The following UNC13C variants were observed in gnomAD, a reference collection of about 807,000 sequenced individuals.
UNC13C encodes the protein protein unc-13 homolog C.
Under a neutral mutation model 245.4 loss-of-function variants are expected in UNC13C, and 174 were observed. The ratio of observed to expected loss-of-function variants is 0.71; its 90% CI spans 0.63 to 0.80. The LOEUF (loss-of-function observed/expected upper bound fraction) is 0.80. Ranked by LOEUF, UNC13C falls within the 30% of genes least tolerant of loss-of-function variation. UNC13C has a pLI of 0.00. For synonymous variants in UNC13C, 992 were observed against 895.1 expected (o/e 1.11, Z -1.93); for missense variants, 2,829 against 2,602.9 (o/e 1.09, Z -1.89).
At chr15:54,148,825 G>A (rs7166833) in intron 4 of UNC13C, among the ~76,000 whole-genome samples, 97,065 of 152,080 alleles carry the variant, frequency 0.64, 32,687 homozygotes, top group Non-Finnish European at 0.75. Flanking sequence ...TTTACCCTAC[G>A]GCACCATCCT....
intron 30 of UNC13C, among the ~76,000 whole-genome samples, chr15:54,592,539 A>G (rs980388174): frequency 6.6e-6 from 1 of 152,198 alleles, no homozygotes; most frequent in African/African-American, 2.4e-5. Context: ...GCCTTTTACC[A>G]TTCTATACTG....
At chr15:54,238,368 C>T (rs1391725456) in intron 7 of UNC13C, among the ~76,000 whole-genome samples, 14 of 152,152 alleles carry the variant, frequency 9.2e-5, no homozygotes, top group South Asian at 2.1e-4. Context: ...CCACCACACC[C>T]GGCCCTTTTA....
intron 23 of UNC13C, among the ~76,000 whole-genome samples, chr15:54,510,529 G>T (rs1377798305): frequency 1.3e-5 from 2 of 152,128 alleles, no homozygotes; most frequent in Non-Finnish European, 2.9e-5. Flanking sequence ...AGATATCTGT[G>T]TTAAAAAATA....
intron 23 of UNC13C, among the ~76,000 whole-genome samples, chr15:54,507,894 T>TA (rs1491277869): frequency 6.6e-5 from 10 of 151,396 alleles, no homozygotes; most frequent in African/African-American, 2.2e-4. Flanking sequence ...GGTTTTTTTT[T>TA]AAAAAAAAGA....
intron 30 of UNC13C, among the ~76,000 whole-genome samples, chr15:54,577,652 T>G (rs966753081): frequency 9.2e-5 from 14 of 152,124 alleles, no homozygotes; most frequent in African/African-American, 3.1e-4. Context: ...CCTAGAAAAC[T>G]CTCTCTTTCC....
chr15:54,626,985 A>G lies in UNC13C; in HGVS notation c.6517A>G (p.Lys2173Glu). The change falls in exon 33 of 33, where the codon AAA becomes GAA. Residue 2173 changes from lysine to glutamate, a missense_variant. By Grantham distance (56) the Lys-to-Glu change is moderately conservative. Transcript: ENST00000260323. ...GSYGAWYPLL[K>E]NISMDETGLT... ...CTATGGGGCATGGTATCCTCTTCTG[A>G]AAAATATCTCTATGGATGAAACTGG... The G allele has an allele frequency of 6.2e-7, 1 of 1,613,452 alleles. No homozygotes were observed. Among genetic ancestry groups the G allele is most frequent in the Non-Finnish European group, 8.5e-7 (1 of 1,179,584 alleles).
the UNC13C span, among the ~76,000 whole-genome samples, chr15:53,915,532 A>G: frequency 6.6e-6 from 1 of 152,206 alleles, no homozygotes; most frequent in African/African-American, 2.4e-5. Flanking sequence ...GATGTTTGTA[A>G]TACGTAATGT....
At chr15:54,236,054 C>T (rs2035691182) in intron 5 of UNC13C, among the ~76,000 whole-genome samples, 1 of 150,530 alleles carries the variant, frequency 6.6e-6, no homozygotes. Context: ...AGTGTCTCTT[C>T]TATCATCCAA....
At chr15:54,549,201 A>G (rs1390416507) in intron 27 of UNC13C, among the ~76,000 whole-genome samples, 1 of 152,200 alleles carries the variant, frequency 6.6e-6, no homozygotes, top group East Asian at 1.9e-4. Context: ...TTAAGAGGGT[A>G]GTCGCTAATA....
intron 20 of UNC13C, among the ~76,000 whole-genome samples, chr15:54,499,688 C>A (rs1466522691): frequency 6.6e-6 from 1 of 152,024 alleles, no homozygotes; most frequent in Non-Finnish European, 1.5e-5. Context: ...AGGTAAGCAC[C>A]CACGATCGGT....
At chr15:54,414,883 C>A (rs1321624343) in intron 18 of UNC13C, 99 bp from the exon 19 acceptor site, 4 of 613,062 alleles carry the variant, frequency 6.5e-6, no homozygotes, top group East Asian at 5.9e-5. Context: ...TATTTATGAA[C>A]TATGTAATAA....
chr15:54,147,314 G>A (rs1206075074), intron 4 of UNC13C, among the ~76,000 whole-genome samples: 1 of 151,796 alleles, frequency 6.6e-6, no homozygotes, highest in Non-Finnish European at 1.5e-5. Flanking sequence ...CTGCCTCCCG[G>A]GTTCATGCCA....
intron 8 of UNC13C, among the ~76,000 whole-genome samples, chr15:54,251,316 A>G: frequency 6.6e-6 from 1 of 152,212 alleles, no homozygotes; most frequent in East Asian, 1.9e-4. Context: ...TTGAGAAAAT[A>G]TTTTAACTTC....
chr15:53,911,576 C>A, the UNC13C span: 1 of 152,222 alleles, frequency 6.6e-6, no homozygotes, highest in Non-Finnish European at 1.5e-5. Context: ...GATGGAGAAT[C>A]TGGCTTCTAT....
intron 4 of UNC13C, among the ~76,000 whole-genome samples, chr15:54,149,593 A>G (rs2032429520): frequency 6.6e-6 from 1 of 152,144 alleles, no homozygotes; most frequent in Non-Finnish European, 1.5e-5. Flanking sequence ...TCTTCTAACC[A>G]ATCTTCCTTT....
At chr15:54,594,116 T>C (rs369596903) in intron 30 of UNC13C, among the ~76,000 whole-genome samples, 3 of 152,288 alleles carry the variant, frequency 2.0e-5, no homozygotes, top group Admixed American at 6.5e-5. Context: ...AGCCACCCAG[T>C]GAGTCTACCC....
intron 10 of UNC13C, among the ~76,000 whole-genome samples, chr15:54,270,789 T>A (rs2036666448): frequency 6.6e-6 from 1 of 152,098 alleles, no homozygotes; most frequent in Non-Finnish European, 1.5e-5. Context: ...TCAGATGGGT[T>A]GTAGTACATT....
intron 32 of UNC13C, among the ~76,000 whole-genome samples, chr15:54,624,380 C>G (rs1266607932): frequency 1.6e-5 from 2 of 121,982 alleles, no homozygotes; most frequent in Non-Finnish European, 3.3e-5. Context: ...CATGGAAGAG[C>G]AGAACATTTC....
chr15:54,197,407 G>A (rs745999533), intron 4 of UNC13C, among the ~76,000 whole-genome samples: 1 of 151,196 alleles, frequency 6.6e-6, no homozygotes, highest in Non-Finnish European at 1.5e-5. Flanking sequence ...AGGTTGCAGT[G>A]AGCCAAGATC....
Sources: allele counts gnomAD v4.1 joint callset (sites outside exome capture counted in the v4.1 genomes callset), GRCh38; gene constraint gnomAD v4.1.1; transcripts MANE v1.5; gene names NCBI Gene and HGNC (gene_info 2026-07-23, HGNC 2026-07-21).